The following FBXW8 variants were observed in gnomAD, a reference collection of about 807,000 sequenced individuals.
FBXW8 encodes F-box/WD repeat-containing protein 8.
FBXW8 carries 57 observed loss-of-function variants against 65.3 expected under a neutral mutation model. The observed-to-expected ratio is 0.87, with a 90% CI of 0.71 to 1.09. FBXW8 has a LOEUF of 1.09. Among genes scored for constraint, FBXW8 ranks in the 50% least tolerant of loss-of-function variants. The pLI is 0.00. For missense variants in FBXW8, 777 were observed against 814.8 expected, an observed-to-expected ratio of 0.95 and a Z score of 0.57; for synonymous variants, 308 against 330.2, an observed-to-expected ratio of 0.93 and a Z score of 0.73.
intron 4 of FBXW8, among the ~76,000 whole-genome samples, chr12:116,955,048 G>GGC (rs398021236): frequency 5.5e-5 from 8 of 146,758 alleles, no homozygotes; most frequent in South Asian, 2.2e-4. Flanking sequence ...GGGGGGGGGG[G>GGC]CCCTGTATTA....
At chr12:116,967,122 A>G (rs1005845498) in intron 5 of FBXW8, among the ~76,000 whole-genome samples, 2 of 148,794 alleles carry the variant, frequency 1.3e-5, no homozygotes, top group African/African-American at 5.0e-5. Flanking sequence ...CTCGCATTTT[A>G]CTCGTGGGGG....
chr12:116,991,243 CAAAAGT>C (rs2135680140), intron 7 of FBXW8, among the ~76,000 whole-genome samples: 1 of 152,282 alleles, frequency 6.6e-6, no homozygotes, highest in East Asian at 1.9e-4. Flanking sequence ...GCCACCCACT[CAAAAGT>C]AAGAGGAATA....
intron 7 of FBXW8, among the ~76,000 whole-genome samples, chr12:116,999,934 T>G (rs1474060442): frequency 1.3e-5 from 2 of 151,670 alleles, no homozygotes; most frequent in African/African-American, 4.8e-5. Flanking sequence ...TCATTGAGCA[T>G]CAGAGCTCTG....
In FBXW8 at chr12:116,985,395, C is replaced by T. The variant is rs561509304; in HGVS notation, c.1025C>T (p.Pro342Leu). The T allele has an allele frequency of 5.0e-5, 80 of 1,611,516 alleles. 2 individuals carry two copies. In the South Asian group the frequency reaches 8.0e-4, roughly 16 times the overall value. ...CAGATAGCTGCGGAATTTGAAGTTC[C>T]GAAACTGGTGAGCTTTTTAGTCTGG... ...YWQIAAEFEV[P>L]KLVQYLEIVP... The change falls in exon 6 of 11, where the codon CCG becomes CTG. Residue 342 changes from proline (P) to leucine (L), a missense_variant. Physicochemically the swap from Pro to Leu is moderately conservative, Grantham distance 98 (BLOSUM62 -3). Transcript: ENST00000652555.
intron 4 of FBXW8, among the ~76,000 whole-genome samples, chr12:116,962,965 A>G (rs1489449957): frequency 6.6e-6 from 1 of 152,178 alleles, no homozygotes; most frequent in Admixed American, 6.5e-5. Context: ...CCTGGGGGCC[A>G]GTGGCCGTGC....
chr12:116,996,723 T>C (rs1953387859), intron 7 of FBXW8, among the ~76,000 whole-genome samples: 1 of 152,188 alleles, frequency 6.6e-6, no homozygotes, highest in Admixed American at 6.5e-5. Context: ...TGGAGACCAG[T>C]TTTCTGGGCT....
At chr12:116,939,364 C>A (rs1398524550) in intron 2 of FBXW8, among the ~76,000 whole-genome samples, 1 of 152,196 alleles carries the variant, frequency 6.6e-6, no homozygotes, top group East Asian at 1.9e-4. Flanking sequence ...CGTGTATCCC[C>A]TTCTTAGAGA....
Position 116,964,769 on chromosome 12 carries a change from G to C in FBXW8, c.750G>C (p.Glu250Asp). The change falls in exon 5 of 11, where the codon GAG (glutamate) becomes GAC (aspartate). Residue 250 changes from glutamate to aspartate, a missense_variant. By Grantham distance (45) the Glu-to-Asp change is conservative. Coordinates refer to ENST00000652555, the MANE Select transcript of FBXW8 (RefSeq NM_153348.3). ...WDYVAPFLES[E>D]DEEDEPGMQP... ...ACGTAGCCCCCTTCCTGGAATCAGAGGACGAGGAGGATGAGCCTGGAATGC... is the reference window on the plus strand; with the variant it reads ...ACGTAGCCCCCTTCCTGGAATCAGACGACGAGGAGGATGAGCCTGGAATGC... 6.2e-7 allele frequency: 1 copy of C among 1,613,584 alleles called. No homozygotes were observed.
intron 2 of FBXW8, among the ~76,000 whole-genome samples, chr12:116,938,773 C>T (rs1267162396): frequency 1.3e-5 from 2 of 152,306 alleles, no homozygotes; most frequent in Middle Eastern, 3.4e-3. Context: ...TCCAACAAAA[C>T]GAAGCTTGTA....
At position 117,024,334 on chromosome 12, in the gene FBXW8, T is replaced by G; in HGVS notation, c.1541+14T>G. ...GGTGTATTCCGGGTAAGGTGCATTCTAGACACTCTTGGGAGTTCCTAGTAG... is the reference window on the plus strand; with the variant it reads ...GGTGTATTCCGGGTAAGGTGCATTCGAGACACTCTTGGGAGTTCCTAGTAG... On this transcript the variant is annotated intron_variant, in intron 9 of 10. Transcript: ENST00000652555. 1 of 1,613,884 alleles carries G rather than the reference T, an allele frequency of 6.2e-7. No individual in the cohort carries two copies. Among genetic ancestry groups the G allele is most frequent in the Non-Finnish European group, 8.5e-7 (1 of 1,179,828 alleles).
chr12:116,972,714 A>G (rs910109446), intron 5 of FBXW8, among the ~76,000 whole-genome samples: 2 of 152,208 alleles, frequency 1.3e-5, no homozygotes, highest in African/African-American at 4.8e-5. Flanking sequence ...GATGGCCAGA[A>G]TGAACCCTGT....
intron 7 of FBXW8, among the ~76,000 whole-genome samples, chr12:116,989,266 C>T (rs1953178931): frequency 6.6e-6 from 1 of 152,214 alleles, no homozygotes; most frequent in Non-Finnish European, 1.5e-5. Flanking sequence ...CAAGCTCTCC[C>T]TCTCTAGGAT....
At chr12:116,982,484 C>T (rs896191536) in intron 5 of FBXW8, among the ~76,000 whole-genome samples, 103 of 152,224 alleles carry the variant, frequency 6.8e-4, no homozygotes, top group African/African-American at 2.3e-3. Flanking sequence ...GAACTGTGCA[C>T]GTGATATCAG....
chr12:117,023,726 G>A (rs986112271), intron 8 of FBXW8, among the ~76,000 whole-genome samples: 8 of 152,196 alleles, frequency 5.3e-5, no homozygotes, highest in East Asian at 1.9e-4. Context: ...TCCTAACCGG[G>A]TCCTCACCCG....
At chr12:117,007,667 G>T (rs1953710391) in intron 7 of FBXW8, among the ~76,000 whole-genome samples, 2 of 152,128 alleles carry the variant, frequency 1.3e-5, no homozygotes, top group South Asian at 4.1e-4. Context: ...AGTGGTCATG[G>T]GTTGAGACTC....
At chr12:117,026,600 C>T (rs1954235458) in intron 9 of FBXW8, among the ~76,000 whole-genome samples, 1 of 98,704 alleles carries the variant, frequency 1.0e-5, no homozygotes, top group East Asian at 2.9e-4. Flanking sequence ...CCCTCCTGTG[C>T]ACCCCTCCCA....
rs989151706 is a variant in FBXW8 at position 116,949,852 on chromosome 12, C to T, written c.677+146C>T. ...GCCCATGTGGAAGAGGGAGAGTCTC[C>T]GTGATTCTGTTCCCAAGGACGTGAG... On this transcript the variant is annotated intron_variant, in intron 4 of 10. Transcript: ENST00000652555. 4.1e-5 allele frequency: 31 copies of T among 749,642 alleles called. No individual in the cohort carries two copies. In the East Asian group the frequency reaches 6.3e-4, roughly 15 times the overall value. The allele number at this position is 749,642 out of a possible 1,614,324, so 46.4% of individuals were successfully genotyped here. A position where few individuals can be genotyped will look rare whatever the true frequency, so the allele number is the denominator to read the frequency against.
At chr12:116,955,412 C>T (rs1287823326) in intron 4 of FBXW8, among the ~76,000 whole-genome samples, 3 of 152,150 alleles carry the variant, frequency 2.0e-5, no homozygotes, top group Non-Finnish European at 4.4e-5. Flanking sequence ...CATAAGTCAC[C>T]AGTCTCTACA....
chr12:116,974,153 G>A (rs928647709), intron 5 of FBXW8, among the ~76,000 whole-genome samples: 1 of 152,232 alleles, frequency 6.6e-6, no homozygotes, highest in African/African-American at 2.4e-5. Flanking sequence ...GGAAGCCAAG[G>A]TGGATAGAAT....
Sources: gnomAD v4.1 joint callset for allele counts (sites outside exome capture counted in the v4.1 genomes callset) on GRCh38, gnomAD v4.1.1 for gene constraint, MANE v1.5 for transcripts, NCBI Gene and HGNC (gene_info 2026-07-23, HGNC 2026-07-21) for gene names.